Variants in PDE4B observed in about 807,000 individuals in gnomAD.
PDE4B encodes the protein 3',5'-cyclic-AMP phosphodiesterase 4B.
A neutral mutation model predicts 82.2 loss-of-function variants in PDE4B; 20 were observed. That is an observed-to-expected ratio of 0.24 (90% CI 0.17 to 0.35). The LOEUF is 0.35. PDE4B is among the 10% of genes least tolerant of loss of function. The pLI is 1.00. For synonymous variants in PDE4B, 320 were observed against 318.9 expected (o/e 1.00, Z -0.04); for missense variants, 655 against 907.2 (o/e 0.72, Z 3.57).
At chr1:65,926,508 C>T (rs1434183355) in intron 3 of PDE4B, among the ~76,000 whole-genome samples, 2 of 152,046 alleles carry the variant, frequency 1.3e-5, no homozygotes, top group African/African-American at 4.8e-5. Context: ...CTTTTTCTCC[C>T]GAAGACACTA....
intron 3 of PDE4B, among the ~76,000 whole-genome samples, chr1:66,102,172 A>G (rs1200640991): frequency 6.6e-6 from 1 of 151,926 alleles, no homozygotes; most frequent in East Asian, 1.9e-4. Flanking sequence ...TGAGGCCTCT[A>G]TTCCGTTCCA....
chr1:65,975,492 A>T (rs111817952), intron 3 of PDE4B, among the ~76,000 whole-genome samples: 4,716 of 152,330 alleles, frequency 0.031, 244 homozygotes, highest in African/African-American at 0.11. Flanking sequence ...GTAGAAATTC[A>T]AGCCTACTTC....
At chr1:65,907,500 G>C (rs1218711811) in intron 1 of PDE4B, among the ~76,000 whole-genome samples, 1 of 152,116 alleles carries the variant, frequency 6.6e-6, no homozygotes, top group East Asian at 1.9e-4. Context: ...TCGGGGCTGG[G>C]AGTGGAGACA....
rs116568547 is a variant in PDE4B at position 66,338,663 on chromosome 1, A to G, written c.747+6043A>G. Among the ~76,000 whole-genome samples the G allele has an allele frequency of 4.4e-3, 667 of 152,338 alleles. 3 individuals carry two copies. The highest frequency in any genetic ancestry group is 0.013 in the South Asian group (64 of 4,826). On this transcript the variant is annotated intron_variant, in intron 8 of 16. Coordinates refer to ENST00000341517, the MANE Select transcript of PDE4B (RefSeq NM_002600.4). ...AAGATAGTAAAGGTCTGTTCAAAGC[A>G]CTGTAGACTAACCCCAAATTCCCTT... is the stretch of plus-strand genomic sequence containing the variant.
intron 1 of PDE4B, among the ~76,000 whole-genome samples, chr1:65,867,900 T>A (rs1404013761): frequency 2.0e-5 from 3 of 152,174 alleles, no homozygotes; most frequent in Non-Finnish European, 2.9e-5. Flanking sequence ...TCTCTAAAAA[T>A]CCCTTTATTT....
chr1:66,192,594 C>A (rs891476761), intron 3 of PDE4B, among the ~76,000 whole-genome samples: 1 of 152,110 alleles, frequency 6.6e-6, no homozygotes, highest in Non-Finnish European at 1.5e-5. Flanking sequence ...GTCTCAGTCA[C>A]CTGTGAGGTT....
intron 3 of PDE4B, among the ~76,000 whole-genome samples, chr1:66,185,190 G>A (rs1181163694): frequency 2.0e-5 from 3 of 152,076 alleles, no homozygotes; most frequent in Admixed American, 6.6e-5. Flanking sequence ...TTATGGCTGC[G>A]TAGTATTACA....
At chr1:66,237,199 G>A (rs926423898) in intron 3 of PDE4B, among the ~76,000 whole-genome samples, 9 of 152,002 alleles carry the variant, frequency 5.9e-5, no homozygotes, top group Non-Finnish European at 1.0e-4. Flanking sequence ...AAATCCAAAT[G>A]CCAGGCTGTC....
intron 3 of PDE4B, among the ~76,000 whole-genome samples, chr1:66,078,709 A>G (rs1656560960): frequency 6.6e-6 from 1 of 152,138 alleles, no homozygotes; most frequent in Non-Finnish European, 1.5e-5. Flanking sequence ...TATCACTATC[A>G]TAAATTGTAC....
At position 65,841,245 on chromosome 1, in the gene PDE4B, C is replaced by G. The variant is rs1646203294; in HGVS notation, c.-71+47997C>G. The stretch of plus-strand genomic sequence containing the variant: ...CCCAGGAGGCAGAGGTTGTAGTGAG[C>G]CAAGATTGTCACCACTTCATTCACT... On this transcript the variant is annotated intron_variant, in intron 1 of 16. Coordinates refer to ENST00000341517, the MANE Select transcript of PDE4B (RefSeq NM_002600.4). Among the ~76,000 whole-genome samples the G allele has an allele frequency of 4.0e-5, 6 of 151,666 alleles. No individual in the cohort carries two copies. In the South Asian group the frequency reaches 1.2e-3, roughly 32 times the overall value.
chr1:65,977,912 G>T (rs1177590753), intron 3 of PDE4B, among the ~76,000 whole-genome samples: 1 of 152,034 alleles, frequency 6.6e-6, no homozygotes, highest in Non-Finnish European at 1.5e-5. Flanking sequence ...AAATGAATGT[G>T]ATAATACTTA....
intron 4 of PDE4B, among the ~76,000 whole-genome samples, chr1:66,254,904 TC>T (rs1654074613): frequency 6.6e-6 from 1 of 152,114 alleles, no homozygotes; most frequent in Non-Finnish European, 1.5e-5. Context: ...CTCCAATCTA[TC>T]CCTCCACATC....
intron 7 of PDE4B, 107 bp from the exon 8 acceptor site, chr1:66,332,401 C>G: frequency 2.5e-6 from 4 of 1,613,992 alleles, no homozygotes; most frequent in Non-Finnish European, 3.4e-6. Flanking sequence ...TGAAGGAGCA[C>G]GGGGGCACCT....
chr1:65,863,304 T>A (rs1459238939), intron 1 of PDE4B, among the ~76,000 whole-genome samples: 1 of 152,220 alleles, frequency 6.6e-6, no homozygotes, highest in Non-Finnish European at 1.5e-5. Flanking sequence ...TCCATGTAGT[T>A]GTGCAGTTTT....
At chr1:65,918,564 T>C in intron 2 of PDE4B, 33 bp from the exon 3 acceptor site, 1 of 1,255,424 alleles carries the variant, frequency 8.0e-7, no homozygotes, top group South Asian at 1.2e-5. Flanking sequence ...ATTTTCTTTC[T>C]CTTCTTTTTT....
chr1:65,991,324 G>A (rs141056922), intron 3 of PDE4B, among the ~76,000 whole-genome samples: 1,546 of 152,048 alleles, frequency 0.01, 22 homozygotes, highest in African/African-American at 0.035. Context: ...CAACTGATCC[G>A]CCTGCCTCGG....
intron 3 of PDE4B, among the ~76,000 whole-genome samples, chr1:66,159,245 C>CTT (rs34101261): frequency 1.1e-4 from 16 of 139,806 alleles, no homozygotes; most frequent in African/African-American, 3.6e-4. Flanking sequence ...TAAAATAAAA[C>CTT]TTTTTTTTTT....
At chr1:66,093,336 T>G (rs1234839296) in intron 3 of PDE4B, among the ~76,000 whole-genome samples, 2 of 152,076 alleles carry the variant, frequency 1.3e-5, no homozygotes, top group Admixed American at 1.3e-4. Context: ...AAAAACCACA[T>G]GATGAGGTGG....
intron 3 of PDE4B, among the ~76,000 whole-genome samples, chr1:65,985,874 T>C (rs763974252): frequency 6.6e-6 from 1 of 152,212 alleles, no homozygotes; most frequent in Non-Finnish European, 1.5e-5. Flanking sequence ...CCTACCAGTC[T>C]GCCACCTAAT....
Sources: allele counts gnomAD v4.1 joint callset (sites outside exome capture counted in the v4.1 genomes callset), GRCh38; gene constraint gnomAD v4.1.1; transcripts MANE v1.5; gene names NCBI Gene and HGNC (gene_info 2026-07-23, HGNC 2026-07-21).